The following SNX29 variants were observed in gnomAD, a reference collection of about 807,000 sequenced individuals.
The protein encoded by SNX29 is sorting nexin 29, also known as sorting nexin-29.
Under a neutral mutation model 102.1 loss-of-function variants are expected in SNX29, and 78 were observed. The observed-to-expected ratio is 0.76, with a 90% CI of 0.64 to 0.92. SNX29 has a LOEUF of 0.92. Ranked by LOEUF, SNX29 falls within the 40% of genes least tolerant of loss-of-function variation. The pLI, the probability that SNX29 is intolerant of heterozygous loss-of-function variation, is 0.00. For synonymous variants in SNX29, 580 were observed against 414.5 expected (o/e 1.40, Z -4.85); for missense variants, 1,280 against 1,061.7 (o/e 1.21, Z -2.86).
chr16:12,307,678 G>A (rs2080382978), intron 15 of SNX29, among the ~76,000 whole-genome samples: 1 of 152,226 alleles, frequency 6.6e-6, no homozygotes, highest in Non-Finnish European at 1.5e-5. Context: ...GCCGAAGCCT[G>A]GAATGGCGTG....
chr16:12,089,838 C>T (rs1397918011), intron 11 of SNX29: 1 of 400,194 alleles, frequency 2.5e-6, no homozygotes, highest in South Asian at 1.8e-5. Context: ...GCGTTCCTTC[C>T]GTCCTTCACT....
intron 14 of SNX29, among the ~76,000 whole-genome samples, chr16:12,217,794 G>C (rs75228778): frequency 3.9e-5 from 6 of 152,168 alleles, no homozygotes; most frequent in Non-Finnish European, 8.8e-5. Context: ...CTAAATCTTG[G>C]CTTCATGCTC....
At chr16:12,539,721 G>A (rs754032357) in intron 20 of SNX29, among the ~76,000 whole-genome samples, 1 of 152,138 alleles carries the variant, frequency 6.6e-6, no homozygotes, top group Non-Finnish European at 1.5e-5. Flanking sequence ...TCTTTACTGT[G>A]GCTGTTCACA....
In SNX29 at chr16:12,569,449, TAC is replaced by T. The variant is rs1024560843; in HGVS notation, c.*822_*823del. ...AGCGTGTCCAAAGTAGCATTGGCCC[TAC>T]AGTCATGAGAGACTTGGGTCAGGGA... On this transcript the variant is annotated 3_prime_UTR_variant, in exon 21 of 21. Coordinates refer to ENST00000566228, the MANE Select transcript of SNX29 (RefSeq NM_032167.5). 1.3e-4 allele frequency: 29 copies of T among 230,778 alleles called. No homozygotes were observed. Among genetic ancestry groups the T allele is most frequent in the Non-Finnish European group, 2.2e-4 (26 of 116,598 alleles). 14.3% of individuals were successfully genotyped at this position (230,778 alleles called of 1,614,324 possible).
At chr16:12,157,533 CA>C (rs898283653) in intron 13 of SNX29, among the ~76,000 whole-genome samples, 1 of 152,196 alleles carries the variant, frequency 6.6e-6, no homozygotes, top group African/African-American at 2.4e-5. Flanking sequence ...CCTTTTACCT[CA>C]GGCCACTGTG....
intron 20 of SNX29, among the ~76,000 whole-genome samples, chr16:12,549,589 C>T (rs2077835763): frequency 6.6e-6 from 1 of 152,216 alleles, no homozygotes; most frequent in Non-Finnish European, 1.5e-5. Flanking sequence ...CTAAGACCTG[C>T]ACCTTTTTCT....
intron 14 of SNX29, among the ~76,000 whole-genome samples, chr16:12,233,097 TTCTTTG>T (rs1475165404): frequency 6.6e-6 from 1 of 152,048 alleles, no homozygotes; most frequent in Non-Finnish European, 1.5e-5. Context: ...CTTCTTTGTC[TTCTTTG>T]TCTTTGTCTT....
chr16:12,548,852 G>C (rs543957135), intron 20 of SNX29, among the ~76,000 whole-genome samples: 1 of 152,188 alleles, frequency 6.6e-6, no homozygotes, highest in South Asian at 2.1e-4. Context: ...CAGTTCCTCT[G>C]CTCTGCAGCC....
intron 4 of SNX29, among the ~76,000 whole-genome samples, chr16:12,034,346 C>T (rs905752313): frequency 3.9e-5 from 6 of 152,204 alleles, no homozygotes; most frequent in African/African-American, 1.2e-4. Context: ...CTTTTGTATT[C>T]ATGCACGTGC....
intron 14 of SNX29, among the ~76,000 whole-genome samples, chr16:12,241,502 C>T (rs1021914703): frequency 6.6e-6 from 1 of 151,918 alleles, no homozygotes; most frequent in Non-Finnish European, 1.5e-5. Context: ...CTCTGTTGCC[C>T]AGGCTGGAGT....
chr16:12,294,113 T>C (rs2079897594), intron 15 of SNX29, among the ~76,000 whole-genome samples: 1 of 152,222 alleles, frequency 6.6e-6, no homozygotes, highest in Admixed American at 6.5e-5. Flanking sequence ...GGTCAGAATG[T>C]GAGAATCGAA....
chr16:12,261,013 T>A (rs1361796956), intron 14 of SNX29, among the ~76,000 whole-genome samples: 1 of 148,358 alleles, frequency 6.7e-6, no homozygotes, highest in Non-Finnish European at 1.5e-5. Flanking sequence ...AGCTCGGGTC[T>A]GTGCACGTGT....
chr16:12,083,428 C>T (rs1034809439), intron 11 of SNX29, among the ~76,000 whole-genome samples: 2 of 152,130 alleles, frequency 1.3e-5, no homozygotes, highest in African/African-American at 2.4e-5. Context: ...CAGACAGCCA[C>T]CTTCTCTCTG....
In SNX29 at chr16:12,573,655, A is replaced by G. The variant is rs2079233304; in HGVS notation, c.*5026A>G. 2 of 222,106 alleles carry G rather than the reference A, an allele frequency of 9.0e-6. No individual in the cohort carries two copies. The highest frequency in any genetic ancestry group is 1.8e-5 in the Non-Finnish European group (2 of 110,980). The allele number at this position is 222,106 out of a possible 1,614,324, so 13.8% of individuals were successfully genotyped here. On this transcript the variant is annotated 3_prime_UTR_variant, in exon 21 of 21. Transcript: ENST00000566228. ...CGGCAAGGGGAACCACCACTCATTC[A>G]CTGTCAGTGTAGGTAAGACAGAGGA...
At chr16:12,392,193 T>C (rs375543867) in intron 16 of SNX29, among the ~76,000 whole-genome samples, 15 of 152,354 alleles carry the variant, frequency 9.8e-5, no homozygotes, top group East Asian at 9.6e-4. Context: ...TTAGAGGAGA[T>C]GCCTGCTGTT....
intron 18 of SNX29, among the ~76,000 whole-genome samples, chr16:12,405,718 A>G (rs1248121820): frequency 6.6e-6 from 1 of 152,222 alleles, no homozygotes; most frequent in Admixed American, 6.5e-5. Context: ...GGTACTGTTG[A>G]AGAGTACTTA....
chr16:12,061,760 C>T (rs940646233), intron 9 of SNX29, 114 bp downstream of exon 9: 60 of 889,474 alleles, frequency 6.7e-5, no homozygotes, highest in African/African-American at 2.5e-4. Flanking sequence ...GCACGGGAGT[C>T]GGGGTGTGGT....
chr16:12,222,725 T>A (rs540975146), intron 14 of SNX29, among the ~76,000 whole-genome samples: 1 of 152,290 alleles, frequency 6.6e-6, no homozygotes, highest in East Asian at 1.9e-4. Context: ...CCCGCCACCA[T>A]GCCCAGCTAA....
intron 20 of SNX29, among the ~76,000 whole-genome samples, chr16:12,534,655 C>A (rs1025707913): frequency 6.6e-6 from 1 of 152,204 alleles, no homozygotes. Flanking sequence ...TGAAGGAGTT[C>A]CCTGCAGACG....
Sources: gnomAD v4.1 joint callset for allele counts (sites outside exome capture counted in the v4.1 genomes callset) on GRCh38, gnomAD v4.1.1 for gene constraint, MANE v1.5 for transcripts, NCBI Gene and HGNC (gene_info 2026-07-23, HGNC 2026-07-21) for gene names.